CEP152: variants seen among roughly 807,000 people sequenced by gnomAD.
CEP152 encodes the protein centrosomal protein of 152 kDa.
In CEP152, 132 loss-of-function variants were observed where a neutral mutation model predicts 188.9. That is an observed-to-expected ratio of 0.70 (90% CI 0.61 to 0.81). The LOEUF is 0.81. CEP152 is among the 30% of genes least tolerant of loss of function. CEP152 has a pLI of 0.00. For synonymous variants in CEP152, 649 were observed against 666.6 expected (o/e 0.97, Z 0.41); for missense variants, 1,914 against 1,969.8 (o/e 0.97, Z 0.54).
At position 48,767,163 on chromosome 15, in the gene CEP152, A is replaced by G; in HGVS notation, c.2177T>C (p.Val726Ala). The part of the protein sequence containing the change: ...RSELDKLNKE[V>A]TAVQECYLEV... ...TAGGTAACATTCCTGCACAGCAGTC[A>G]CCTCCTTATTCAACTTATCCAACTC... Residue 726 changes from valine to alanine, a missense_variant, in exon 17 of 27, where the codon GTG becomes GCG. Val to Ala is a moderately conservative substitution (Grantham distance 64, BLOSUM62 0). Coordinates refer to ENST00000380950, the MANE Select transcript of CEP152 (RefSeq NM_001194998.2). 1 of 1,613,748 alleles carries G rather than the reference A, an allele frequency of 6.2e-7. No homozygotes were observed. Among genetic ancestry groups the G allele is most frequent in the Non-Finnish European group, 8.5e-7 (1 of 1,180,014 alleles).
intron 6 of CEP152, among the ~76,000 whole-genome samples, chr15:48,793,850 A>G (rs1468763802): frequency 1.3e-5 from 2 of 152,254 alleles, no homozygotes; most frequent in Admixed American, 1.3e-4. Context: ...AACTGCAATG[A>G]AATAAAGTAA....
chr15:48,773,620 G>T (rs982606759), intron 12 of CEP152: 2 of 152,186 alleles, frequency 1.3e-5, no homozygotes, highest in African/African-American at 4.8e-5. Context: ...AAATGAATAA[G>T]GCTGGGAATA....
chr15:48,797,884 T>G (rs1260843545), intron 3 of CEP152, 64 bp downstream of exon 3: 6 of 1,501,138 alleles, frequency 4.0e-6, no homozygotes, highest in African/African-American at 1.4e-5. Context: ...ATTATTAATC[T>G]TCATCAAAAG....
chr15:48,748,680 AAAAGAC>A, intron 21 of CEP152, 70 bp from the exon 22 acceptor site: 3 of 1,312,914 alleles, frequency 2.3e-6, no homozygotes, highest in East Asian at 2.8e-5. Context: ...AAAAAAAAAA[AAAAGAC>A]AGAAAGAAAA....
chr15:48,808,734 C>T (rs1898152057), intron 1 of CEP152, among the ~76,000 whole-genome samples: 1 of 151,876 alleles, frequency 6.6e-6, no homozygotes, highest in African/African-American at 2.4e-5. Context: ...AACTGCTAAA[C>T]CATCTTGAAA....
intron 1 of CEP152, among the ~76,000 whole-genome samples, chr15:48,806,865 C>T (rs1461420189): frequency 6.6e-6 from 1 of 152,042 alleles, no homozygotes; most frequent in Non-Finnish European, 1.5e-5. Context: ...AATTTTAGGA[C>T]GCAGTCTATG....
chr15:48,755,056 T>C (rs1034811284), intron 20 of CEP152, among the ~76,000 whole-genome samples: 5 of 152,016 alleles, frequency 3.3e-5, no homozygotes, highest in African/African-American at 9.7e-5. Flanking sequence ...AATGTTGAAA[T>C]TGGCTAATCA....
chr15:48,788,980 T>C lies in CEP152; in HGVS notation c.994A>G (p.Thr332Ala), dbSNP rs1896843981. ...TTCAAGCTTTCCAGAGCCATTTCAG[T>C]TGTTCTGGACTTCTTGATCATCTAG... ...EEQMIKKSRT[T>A]EMALESLKQQ... The change falls in exon 9 of 27, where the codon ACT (threonine) becomes GCT (alanine). Residue 332 changes from threonine (T) to alanine (A), a missense_variant. Thr to Ala is a moderately conservative substitution (Grantham distance 58). Coordinates refer to ENST00000380950, the MANE Select transcript of CEP152 (RefSeq NM_001194998.2). 2 of 1,614,198 alleles carry C rather than the reference T, an allele frequency of 1.2e-6. No homozygotes were observed. Among genetic ancestry groups the C allele is most frequent in the Non-Finnish European group, 1.7e-6 (2 of 1,180,010 alleles).
chr15:48,789,014 C>A lies in CEP152; in HGVS notation c.973-13G>T. 1 of 1,607,674 alleles carries A rather than the reference C, an allele frequency of 6.2e-7. No homozygotes were observed. The highest frequency in any genetic ancestry group is 1.1e-5 in the South Asian group (1 of 90,916). On this transcript the variant is annotated splice_polypyrimidine_tract_variant and intron_variant, in intron 8 of 26. Coordinates refer to ENST00000380950, the MANE Select transcript of CEP152 (RefSeq NM_001194998.2). Reference sequence around the variant, plus strand: ...ACTTCTTGATCATCTAGTAAATACACACAGGATATCCATGTTTAAAATATA... The same window carrying A: ...ACTTCTTGATCATCTAGTAAATACAAACAGGATATCCATGTTTAAAATATA...
At position 48,762,430 on chromosome 15, in the gene CEP152, A is replaced by C. The variant is rs886051263; in HGVS notation, c.2523T>G (p.Ile841Met). 1.2e-6 allele frequency: 2 copies of C among 1,614,050 alleles called. No individual in the cohort carries two copies. Among genetic ancestry groups the C allele is most frequent in the South Asian group, 1.1e-5 (1 of 91,078 alleles). Residue 841 changes from isoleucine to methionine, a missense_variant, in exon 18 of 27, where the codon ATT becomes ATG. Ile to Met is a conservative substitution (Grantham distance 10). Coordinates refer to ENST00000380950, the MANE Select transcript of CEP152 (RefSeq NM_001194998.2). ...AIKGAMKKLE[I>M]ELELKHCENI... ...TTTCACAATGTTTGAGTTCCAATTC[A>C]ATTTCGAGTTTCTTCATAGCCCCCT... is the stretch of plus-strand genomic sequence containing the variant.
intron 17 of CEP152, chr15:48,765,543 A>T (rs1012625528): frequency 4.9e-6 from 2 of 411,234 alleles, no homozygotes; most frequent in Non-Finnish European, 9.3e-6. Flanking sequence ...ATTATATGAG[A>T]TCATATTTTA....
chr15:48,738,751 C>T lies in CEP152; in HGVS notation c.4631G>A (p.Ser1544Asn). The T allele has an allele frequency of 1.9e-6, 3 of 1,614,222 alleles. No homozygotes were observed. Among genetic ancestry groups the T allele is most frequent in the Non-Finnish European group, 2.5e-6 (3 of 1,180,030 alleles). The change falls in exon 27 of 27, where the codon AGT (serine) becomes AAT (asparagine). Residue 1544 changes from serine to asparagine, a missense_variant. Coordinates refer to ENST00000380950, the MANE Select transcript of CEP152 (RefSeq NM_001194998.2). ...KVYKCNPLME[S>N]ENAASEKSQG... ...ACTTTTCTCAGATGCAGCATTTTCA[C>T]TTTCCATTAGTGGATTGCATTTATA...
intron 11 of CEP152, 58 bp downstream of exon 11, chr15:48,782,081 A>T (rs1220522074): frequency 6.8e-6 from 10 of 1,459,954 alleles, no homozygotes; most frequent in Non-Finnish European, 9.6e-6. Context: ...CAAAAAGGTG[A>T]TGTAACTACT....
chr15:48,765,765 T>C (rs1895036278), intron 17 of CEP152: 1 of 339,060 alleles, frequency 2.9e-6, no homozygotes. Context: ...GCCATTCTCC[T>C]GCCTCAGCCT....
At chr15:48,749,505 T>G (rs937595294) in intron 21 of CEP152, among the ~76,000 whole-genome samples, 1 of 151,816 alleles carries the variant, frequency 6.6e-6, no homozygotes, top group African/African-American at 2.4e-5. Context: ...AGTGAAGAAA[T>G]TAGACAACAT....
intron 6 of CEP152, 78 bp downstream of exon 6, chr15:48,795,932 T>G: frequency 7.8e-7 from 1 of 1,285,286 alleles, no homozygotes; most frequent in Non-Finnish European, 1.1e-6. Context: ...AATTCTTGAA[T>G]GTGCTCAAAT....
At chr15:48,734,983 G>T (rs1652517773), downstream of CEP152, among the ~76,000 whole-genome samples, 1 of 152,214 alleles carries the variant, frequency 6.6e-6, no homozygotes, top group African/African-American at 2.4e-5. Flanking sequence ...AATCAGCAAG[G>T]CTATAGCAGA....
chr15:48,739,364 T>TA (rs145983063), intron 26 of CEP152, 76 bp from the exon 27 acceptor site: 20 of 1,457,586 alleles, frequency 1.4e-5, no homozygotes, highest in South Asian at 1.0e-4. Flanking sequence ...AACAAAAAAA[T>TA]AAAAAAAATT....
chr15:48,790,135 T>C lies in CEP152; in HGVS notation c.972+1102A>G, dbSNP rs1251647251. Among the ~76,000 whole-genome samples, 5 of 152,344 alleles carry C rather than the reference T, an allele frequency of 3.3e-5. No homozygotes were observed. The East Asian group carries it at 9.6e-4, about 29-fold the overall frequency. The stretch of plus-strand genomic sequence containing the variant: ...TCAAGAGAATTATTCTTCATTCTAT[T>C]CCAGAGATTGCCTATTTATTCCAAT... On this transcript the variant is annotated intron_variant, in intron 8 of 26. Transcript: ENST00000380950.
Sources: allele counts gnomAD v4.1 joint callset (sites outside exome capture counted in the v4.1 genomes callset), GRCh38; gene constraint gnomAD v4.1.1; transcripts MANE v1.5; gene names NCBI Gene and HGNC (gene_info 2026-07-23, HGNC 2026-07-21).